Variants in ROBO2 observed in about 807,000 individuals in gnomAD.
ROBO2 encodes the protein roundabout homolog 2.
In ROBO2, 53 loss-of-function variants were observed where a neutral mutation model predicts 160.8. The observed-to-expected ratio is 0.33, with a 90% CI of 0.26 to 0.41. ROBO2 has a LOEUF of 0.41. Among genes scored for constraint, ROBO2 ranks in the 10% least tolerant of loss-of-function variants. The probability of loss-of-function intolerance (pLI) is 1.00; values close to 1 mark genes in which losing one functional copy is unlikely to be tolerated. For synonymous variants in ROBO2, 664 were observed against 611.7 expected, an observed-to-expected ratio of 1.09 and a Z score of -1.26; for missense variants, 1,577 against 1,722.4, an observed-to-expected ratio of 0.92 and a Z score of 1.49.
chr3:77,413,005 C>T (rs1259274831), intron 2 of ROBO2, among the ~76,000 whole-genome samples: 1 of 152,076 alleles, frequency 6.6e-6, no homozygotes, highest in Non-Finnish European at 1.5e-5. Context: ...TAGCTTGGGT[C>T]CAGCCAGCCT....
At chr3:76,741,731 A>G (rs529360972) in intron 2 of ROBO2, among the ~76,000 whole-genome samples, 30 of 152,190 alleles carry the variant, frequency 2.0e-4, no homozygotes, top group African/African-American at 7.0e-4. Context: ...CCATGGCATG[A>G]CTTCATAGTC....
intron 2 of ROBO2, chr3:77,317,203 C>A: frequency 3.6e-6 from 3 of 841,458 alleles, no homozygotes; most frequent in East Asian, 4.8e-5. Context: ...GATGGAAGGC[C>A]CAGCAGTGTG....
At chr3:76,352,628 G>T (rs762194242) in intron 2 of ROBO2, among the ~76,000 whole-genome samples, 7 of 152,016 alleles carry the variant, frequency 4.6e-5, no homozygotes, top group Non-Finnish European at 8.8e-5. Flanking sequence ...ACAAAAAAAT[G>T]GTCCCGAAAA....
chr3:76,607,399 C>T (rs1228643228), intron 2 of ROBO2, among the ~76,000 whole-genome samples: 4 of 152,136 alleles, frequency 2.6e-5, no homozygotes. Flanking sequence ...CAGACATTTT[C>T]CCCAATATTT....
At chr3:76,963,588 C>T (rs1477660512) in intron 2 of ROBO2, among the ~76,000 whole-genome samples, 1 of 151,790 alleles carries the variant, frequency 6.6e-6, no homozygotes, top group Non-Finnish European at 1.5e-5. Context: ...TATCTCTATT[C>T]CCATATTAGC....
intron 2 of ROBO2, among the ~76,000 whole-genome samples, chr3:76,446,147 T>C (rs2077170089): frequency 6.6e-6 from 1 of 152,150 alleles, no homozygotes; most frequent in South Asian, 2.1e-4. Context: ...AACCCCATCG[T>C]CTCAGCCCAA....
At chr3:77,283,466 C>A (rs1313225452) in intron 2 of ROBO2, among the ~76,000 whole-genome samples, 1 of 152,144 alleles carries the variant, frequency 6.6e-6, no homozygotes, top group Non-Finnish European at 1.5e-5. Flanking sequence ...GATGACAAAG[C>A]TTTTCTTATT....
At chr3:77,476,240 A>G (rs535960142) in intron 2 of ROBO2, among the ~76,000 whole-genome samples, 1 of 152,168 alleles carries the variant, frequency 6.6e-6, no homozygotes, top group African/African-American at 2.4e-5. Context: ...AGTGGGTCTC[A>G]TTATAGGACA....
At chr3:76,938,475 C>T (rs900840512) in intron 2 of ROBO2, among the ~76,000 whole-genome samples, 4 of 151,934 alleles carry the variant, frequency 2.6e-5, no homozygotes, top group Admixed American at 2.6e-4. Flanking sequence ...TAGAGCCCTA[C>T]AAAACCCACC....
At chr3:77,583,899 C>T (rs573110081) in intron 16 of ROBO2, among the ~76,000 whole-genome samples, 6 of 152,186 alleles carry the variant, frequency 3.9e-5, no homozygotes, top group African/African-American at 1.4e-4. Flanking sequence ...TGCCCTTATT[C>T]TCAAGACAAA....
chr3:77,314,591 G>A (rs528321294), intron 2 of ROBO2, among the ~76,000 whole-genome samples: 2 of 152,264 alleles, frequency 1.3e-5, no homozygotes, highest in South Asian at 4.1e-4. Context: ...AAGACTTACA[G>A]TTTCTGTGTT....
chr3:76,396,091 G>A (rs926909558), intron 2 of ROBO2, among the ~76,000 whole-genome samples: 24 of 152,218 alleles, frequency 1.6e-4, no homozygotes, highest in Admixed American at 1.3e-3. Context: ...CTGGCAAACC[G>A]AATTCAGCAG....
intron 2 of ROBO2, among the ~76,000 whole-genome samples, chr3:76,978,121 A>G (rs1278905667): frequency 1.3e-5 from 2 of 152,162 alleles, no homozygotes; most frequent in African/African-American, 4.8e-5. Flanking sequence ...TTTTTAAACT[A>G]TGTTAAAAAT....
intron 1 of ROBO2, among the ~76,000 whole-genome samples, chr3:77,062,676 C>T (rs1247489907): frequency 1.3e-5 from 2 of 152,088 alleles, no homozygotes; most frequent in Admixed American, 1.3e-4. Flanking sequence ...ATCCAGTGGC[C>T]CATAAATTGG....
intron 2 of ROBO2, among the ~76,000 whole-genome samples, chr3:76,830,297 G>A (rs746721756): frequency 6.6e-6 from 1 of 152,064 alleles, no homozygotes; most frequent in Non-Finnish European, 1.5e-5. Flanking sequence ...TAGCCTCCAG[G>A]TACTGTGGTG....
chr3:76,702,411 A>G (rs772993983), intron 2 of ROBO2, among the ~76,000 whole-genome samples: 21 of 152,034 alleles, frequency 1.4e-4, no homozygotes, highest in Non-Finnish European at 2.6e-4. Context: ...GTGCTGTGAA[A>G]ACATAGGGGG....
At chr3:76,526,377 T>C (rs1341124107) in intron 2 of ROBO2, among the ~76,000 whole-genome samples, 1 of 152,054 alleles carries the variant, frequency 6.6e-6, no homozygotes, top group African/African-American at 2.4e-5. Context: ...AGGTGTAGTA[T>C]GTTTCATTTA....
chr3:77,644,342 A>T (rs2095389911), intron 24 of ROBO2, among the ~76,000 whole-genome samples: 1 of 152,202 alleles, frequency 6.6e-6, no homozygotes, highest in South Asian at 2.1e-4. Flanking sequence ...CTTAATGGGA[A>T]AATTAAATTG....
At chr3:77,596,738 T>C in exon 19 of ROBO2, 3 of 1,613,720 alleles carry the variant, frequency 1.9e-6, no homozygotes, top group South Asian at 1.1e-5. Context: ...GATTGGAAAT[T>C]TTGGCCGTGG....
Sources: allele counts gnomAD v4.1 joint callset (sites outside exome capture counted in the v4.1 genomes callset), GRCh38; gene constraint gnomAD v4.1.1; transcripts MANE v1.5; gene names NCBI Gene and HGNC (gene_info 2026-07-23, HGNC 2026-07-21).